The following SIK3 variants were observed in gnomAD, a reference collection of about 807,000 sequenced individuals.
The protein encoded by SIK3 is SIK family kinase 3, also known as serine/threonine-protein kinase SIK3.
A neutral mutation model predicts 144.2 loss-of-function variants in SIK3; 28 were observed. The ratio of observed to expected loss-of-function variants is 0.19; its 90% CI spans 0.14 to 0.27. The LOEUF is 0.27. SIK3 is among the 10% of genes least tolerant of loss of function. The pLI, the probability that SIK3 is intolerant of heterozygous loss-of-function variation, is 1.00. For missense variants in SIK3, 1,319 were observed against 1,776.0 expected (o/e 0.74, Z 4.62); for synonymous variants, 686 against 676.3 (o/e 1.01, Z -0.22).
chr11:116,860,013 G>A (rs1443792114), intron 19 of SIK3, among the ~76,000 whole-genome samples: 5 of 152,174 alleles, frequency 3.3e-5, no homozygotes, highest in Admixed American at 6.5e-5. Context: ...TTGGGAGGCC[G>A]AGGTGGGCGG....
intron 6 of SIK3, among the ~76,000 whole-genome samples, chr11:116,880,612 C>G (rs1436182161): frequency 6.6e-6 from 1 of 152,114 alleles, no homozygotes; most frequent in Admixed American, 6.5e-5. Context: ...TCCTAAGTGT[C>G]ATGTAGTTCA....
At chr11:117,052,798 A>G (rs972406741) in intron 1 of SIK3, among the ~76,000 whole-genome samples, 3 of 152,202 alleles carry the variant, frequency 2.0e-5, no homozygotes, top group Admixed American at 6.5e-5. Flanking sequence ...CTGGTTGAAG[A>G]GCTTGCTAAG....
intron 21 of SIK3, chr11:116,855,859 T>G (rs1942869372): frequency 6.6e-6 from 1 of 152,214 alleles, no homozygotes; most frequent in Admixed American, 6.5e-5. Context: ...AGGGTTGTTG[T>G]AAGGATTAAA....
chr11:116,992,346 A>G (rs1175500276), intron 1 of SIK3, among the ~76,000 whole-genome samples: 1 of 143,580 alleles, frequency 7.0e-6, no homozygotes, highest in Non-Finnish European at 1.5e-5. Flanking sequence ...CACCTCATAT[A>G]TTTGTGTGCA....
At chr11:116,850,987 C>T (rs1180098181) in intron 21 of SIK3, among the ~76,000 whole-genome samples, 1 of 152,162 alleles carries the variant, frequency 6.6e-6, no homozygotes, top group Non-Finnish European at 1.5e-5. Context: ...CCAGCCTGGG[C>T]AACAGAGTGA....
chr11:116,926,468 A>G (rs1283349093), intron 4 of SIK3, among the ~76,000 whole-genome samples: 1 of 152,204 alleles, frequency 6.6e-6, no homozygotes, highest in African/African-American at 2.4e-5. Context: ...TGGACTGCCT[A>G]TAAGCCACTC....
At chr11:116,852,433 G>T (rs1217284076) in intron 21 of SIK3, among the ~76,000 whole-genome samples, 2 of 152,208 alleles carry the variant, frequency 1.3e-5, no homozygotes, top group East Asian at 3.8e-4. Flanking sequence ...CTGGAGTTGA[G>T]CACAAGGGTC....
At chr11:116,905,298 T>C (rs1417668876) in intron 4 of SIK3, among the ~76,000 whole-genome samples, 4 of 152,270 alleles carry the variant, frequency 2.6e-5, no homozygotes, top group African/African-American at 4.8e-5. Context: ...GAGTCTATTT[T>C]ACTGCTGAAT....
chr11:116,877,106 A>G, intron 6 of SIK3, 64 bp from the exon 7 acceptor site: 1 of 1,433,980 alleles, frequency 7.0e-7, no homozygotes, highest in Admixed American at 1.7e-5. Context: ...GAGTAGAGGA[A>G]CCAGGGGCAA....
rs1310897244 is a variant in SIK3 at position 116,849,867 on chromosome 11, T to C, written c.3656-584A>G. 1.3e-5 allele frequency among the ~76,000 whole-genome samples: 2 copies of C among 152,228 alleles called. No homozygotes were observed. Among genetic ancestry groups the C allele is most frequent in the Non-Finnish European group, 2.9e-5 (2 of 68,036 alleles). The stretch of plus-strand genomic sequence containing the variant: ...TATTTTCATGGCTGTACTGCCTTTA[T>C]GTAAAGAATTACTGAAGTGCTCCTT... On this transcript the variant is annotated intron_variant, in intron 21 of 24. Transcript: ENST00000445177. The surrounding 1 kb of genome is among the most constrained non-coding windows in gnomAD (Gnocchi z 4.2).
chr11:117,051,501 C>G (rs990914399), intron 1 of SIK3, among the ~76,000 whole-genome samples: 1 of 151,684 alleles, frequency 6.6e-6, no homozygotes, highest in African/African-American at 2.4e-5. Flanking sequence ...GATATGGAAA[C>G]TTATTATGAA....
rs1050730555 is a variant in SIK3 at position 117,026,070 on chromosome 11, G to A, written c.274-69006C>T. Among the ~76,000 whole-genome samples the A allele has an allele frequency of 5.3e-5, 8 of 152,292 alleles. No homozygotes were observed. The East Asian group carries it at 9.6e-4, about 18-fold the overall frequency. The stretch of plus-strand genomic sequence containing the variant: ...AATTGATGGTCTATCCAAGCCAAAA[G>A]GGGGAAATGTAGATAAAGGATATAC... On this transcript the variant is annotated intron_variant, in intron 1 of 24. Coordinates refer to ENST00000445177, the MANE Select transcript of SIK3 (RefSeq NM_001366686.3).
intron 1 of SIK3, among the ~76,000 whole-genome samples, chr11:117,075,059 AT>A (rs1954452554): frequency 6.6e-6 from 1 of 152,192 alleles, no homozygotes; most frequent in African/African-American, 2.4e-5. Context: ...ACTATTGTAT[AT>A]TATTTACTAT....
At chr11:116,893,143 T>A (rs746283822) in intron 6 of SIK3, among the ~76,000 whole-genome samples, 2 of 152,224 alleles carry the variant, frequency 1.3e-5, no homozygotes, top group African/African-American at 2.4e-5. Flanking sequence ...CATGTCACTA[T>A]ACATTTACCA....
At chr11:117,061,191 A>G (rs61903395) in intron 1 of SIK3, among the ~76,000 whole-genome samples, 33,478 of 151,936 alleles carry the variant, frequency 0.22, 4,208 homozygotes, top group African/African-American at 0.34. Flanking sequence ...GGGCTGTGGT[A>G]AGCTGCGATC....
rs1949586761 is a variant in SIK3 at position 116,967,129 on chromosome 11, G to C, written c.274-10065C>G. Among the ~76,000 whole-genome samples the C allele has an allele frequency of 2.6e-5, 4 of 152,136 alleles. No individual in the cohort carries two copies. The South Asian group carries it at 8.3e-4, about 31-fold the overall frequency. On this transcript the variant is annotated intron_variant, in intron 1 of 24. Coordinates refer to ENST00000445177, the MANE Select transcript of SIK3 (RefSeq NM_001366686.3). ...CAAGGTTGTCAGAAGACAAAAAGCTGAATAAATTTTAAGATGAATTTTCTT... is the reference window on the plus strand; with the variant it reads ...CAAGGTTGTCAGAAGACAAAAAGCTCAATAAATTTTAAGATGAATTTTCTT...
intron 1 of SIK3, among the ~76,000 whole-genome samples, chr11:117,023,168 G>A (rs1951845035): frequency 6.6e-6 from 1 of 152,056 alleles, no homozygotes; most frequent in Non-Finnish European, 1.5e-5. Flanking sequence ...AGTTGTTGAG[G>A]CCCAGAAACC....
chr11:116,924,127 T>C (rs1045008034), intron 4 of SIK3, among the ~76,000 whole-genome samples: 1 of 151,972 alleles, frequency 6.6e-6, no homozygotes, highest in Non-Finnish European at 1.5e-5. Context: ...AACTCGTCTC[T>C]GCTAAAAATA....
chr11:116,897,259 G>A lies in SIK3; in HGVS notation c.675C>T (p.Ser225=), dbSNP rs746770997. The A allele has an allele frequency of 1.9e-6, 3 of 1,613,442 alleles. No homozygotes were observed. The highest frequency in any genetic ancestry group is 2.2e-5 in the South Asian group (2 of 91,078). ...PGQLLKTWCG[S]PPYAAPELFE... is the part of the protein sequence containing the mutation. ...AGAGTTCAGGTGCAGCATAGGGAGG[G>A]CTGCCACACCAGGTCTTCAGCAGCT... Residue 225 remains serine (S), a synonymous_variant, in exon 5 of 25, where the codon AGC becomes AGT. Coordinates refer to ENST00000445177, the MANE Select transcript of SIK3 (RefSeq NM_001366686.3).
Sources: gnomAD v4.1 joint callset for allele counts (sites outside exome capture counted in the v4.1 genomes callset) on GRCh38, gnomAD v4.1.1 for gene constraint, Gnocchi (gnomAD v3.1) non-coding constraint, MANE v1.5 for transcripts, NCBI Gene and HGNC (gene_info 2026-07-23, HGNC 2026-07-21) for gene names.